Variants in BMP7 observed in about 807,000 individuals in gnomAD.
BMP7 encodes the protein osteogenic protein 1.
BMP7 carries 12 observed loss-of-function variants against 41.2 expected under a neutral mutation model. The ratio of observed to expected loss-of-function variants is 0.29; its 90% CI spans 0.19 to 0.47. The LOEUF is 0.47. Ranked by LOEUF, BMP7 falls within the 20% of genes least tolerant of loss-of-function variation. BMP7 has a pLI of 0.99. For synonymous variants in BMP7, 248 were observed against 250.0 expected (o/e 0.99, Z 0.07); for missense variants, 467 against 606.0 (o/e 0.77, Z 2.41).
chr20:57,212,430 G>A lies in BMP7; in HGVS notation c.612-9807C>T, dbSNP rs1984914062. ...CCGGGAGGAGTTCTAAGCAGGAGTG[G>A]AGATGACGGGCTCTGCCACTCGCAG... is the stretch of plus-strand genomic sequence containing the variant. On this transcript the variant is annotated intron_variant, in intron 2 of 6. Transcript: ENST00000395863. Among the ~76,000 whole-genome samples, 3 of 152,152 alleles carry A rather than the reference G, an allele frequency of 2.0e-5. No homozygotes were observed. In the South Asian group the frequency reaches 6.2e-4, roughly 31 times the overall value.
intron 1 of BMP7, among the ~76,000 whole-genome samples, chr20:57,258,339 G>T (rs1237957842): frequency 1.3e-5 from 2 of 152,134 alleles, no homozygotes; most frequent in African/African-American, 2.4e-5. Context: ...GGGCTTTGTT[G>T]TTGCAGCCTA....
intron 3 of BMP7, among the ~76,000 whole-genome samples, chr20:57,190,563 G>T (rs1359645767): frequency 6.6e-6 from 1 of 152,014 alleles, no homozygotes; most frequent in East Asian, 1.9e-4. Flanking sequence ...CCCAGTGGGG[G>T]ATTTGGGCAG....
At chr20:57,180,141 T>C (rs1027469570) in intron 4 of BMP7, among the ~76,000 whole-genome samples, 3 of 152,056 alleles carry the variant, frequency 2.0e-5, no homozygotes, top group Non-Finnish European at 2.9e-5. Flanking sequence ...CCCACCCTGT[T>C]CCTCACCTTT....
In BMP7 at chr20:57,171,251, T is replaced by G; in HGVS notation, c.1147-143A>C. On this transcript the variant is annotated intron_variant, in intron 6 of 6. Transcript: ENST00000395863. This position sits in a 1 kb window ranked among gnomAD's most constrained non-coding sequence, Gnocchi z 4.5. ...TCCCCAAGCCAAGCACTCCCTGTTC[T>G]AAGCACTTTACATGGACAACTCAGT... 1 of 1,204,986 alleles carries G rather than the reference T, an allele frequency of 8.3e-7. No homozygotes were observed. Among genetic ancestry groups the G allele is most frequent in the Non-Finnish European group, 1.2e-6 (1 of 835,226 alleles). 74.6% of individuals were successfully genotyped at this position (1,204,986 alleles called of 1,614,324 possible). A position where few individuals can be genotyped will look rare whatever the true frequency, so the allele number is the denominator to read the frequency against.
intron 3 of BMP7, among the ~76,000 whole-genome samples, chr20:57,193,889 G>A (rs981978161): frequency 5.9e-5 from 9 of 152,216 alleles, no homozygotes; most frequent in Admixed American, 2.0e-4. Flanking sequence ...TGTCTGACCA[G>A]ACCTTTGCTC....
rs1250894541 is a variant in BMP7 at position 57,168,977 on chromosome 20, GAAAT to G, written c.*1978_*1981del. ...GGGGTGTTCAAAAGAGCTTTGGATGGAAATAAATAATCTCTTTGCTTTGTAACAA... is the reference window on the plus strand; with the variant it reads ...GGGGTGTTCAAAAGAGCTTTGGATGGAAATAATCTCTTTGCTTTGTAACAA... On this transcript the variant is annotated 3_prime_UTR_variant, in exon 7 of 7. Transcript: ENST00000395863. 1 of 152,006 alleles carries G rather than the reference GAAAT, an allele frequency of 6.6e-6. No individual in the cohort carries two copies. The highest frequency in any genetic ancestry group is 2.4e-5 in the African/African-American group (1 of 41,362). The allele number at this position is 152,006 out of a possible 1,614,324, so 9.4% of individuals were successfully genotyped here.
intron 3 of BMP7, among the ~76,000 whole-genome samples, chr20:57,198,101 C>T (rs1374166783): frequency 6.8e-6 from 1 of 146,016 alleles, no homozygotes; most frequent in Non-Finnish European, 1.5e-5. Context: ...TCCCCCTTCT[C>T]TCCTCTTGCT....
chr20:57,189,270 A>G (rs976397788), intron 3 of BMP7, among the ~76,000 whole-genome samples: 2 of 152,236 alleles, frequency 1.3e-5, no homozygotes, highest in Non-Finnish European at 2.9e-5. Context: ...AGAGGAAATC[A>G]CAGAGAAGAA....
Position 57,174,074 on chromosome 20 carries a change from C to T in BMP7, c.1036-764G>A, listed in dbSNP as rs1008815376. ...TGGATGTGGTCATCAGTCCTGAGGG[C>T]AGGCTCACAGGAGGGCTCAGAGCTG... On this transcript the variant is annotated intron_variant, in intron 5 of 6. Coordinates refer to ENST00000395863, the MANE Select transcript of BMP7 (RefSeq NM_001719.3). This position sits in a 1 kb window ranked among gnomAD's most constrained non-coding sequence, Gnocchi z 4.3. Among the ~76,000 whole-genome samples, 5 of 152,174 alleles carry T rather than the reference C, an allele frequency of 3.3e-5. No individual in the cohort carries two copies. Among genetic ancestry groups the T allele is most frequent in the African/African-American group, 1.2e-4 (5 of 41,424 alleles).
chr20:57,216,538 T>TCTCCTGAGGGCGAGGGGCTGC (rs1568718145), intron 2 of BMP7, among the ~76,000 whole-genome samples: 32 of 148,390 alleles, frequency 2.2e-4, no homozygotes, highest in Non-Finnish European at 3.7e-4. Flanking sequence ...GAGGGGGCTG[T>TCTCCTGAGGGCGAGGGGCTGC]CTCCTGAGGG....
chr20:57,213,736 G>A lies in BMP7; in HGVS notation c.612-11113C>T, dbSNP rs987360401. ...GAGTGGTCCTCGGGTCCCACAGTGG[G>A]TGCTCAGGGATGTAGGCTGTAGGGC... is the stretch of plus-strand genomic sequence containing the variant. On this transcript the variant is annotated intron_variant, in intron 2 of 6. Transcript: ENST00000395863. This position sits in a 1 kb window ranked among gnomAD's most constrained non-coding sequence, Gnocchi z 4.4. 4.6e-5 allele frequency among the ~76,000 whole-genome samples: 7 copies of A among 152,214 alleles called. No individual in the cohort carries two copies. The highest frequency in any genetic ancestry group is 2.0e-4 in the Admixed American group (3 of 15,286).
intron 4 of BMP7, 64 bp downstream of exon 4, chr20:57,183,658 G>A (rs879664151): frequency 2.2e-5 from 36 of 1,602,984 alleles, no homozygotes; most frequent in East Asian, 1.1e-4. Context: ...GTCTCCTGCC[G>A]GGTCCCGCCG....
In BMP7 at chr20:57,195,331, T is replaced by C. The variant is rs1206967185; in HGVS notation, c.760+7144A>G. Among the ~76,000 whole-genome samples the C allele has an allele frequency of 5.3e-5, 8 of 152,178 alleles. No homozygotes were observed. The East Asian group carries it at 1.5e-3, about 29-fold the overall frequency. On this transcript the variant is annotated intron_variant, in intron 3 of 6. Coordinates refer to ENST00000395863, the MANE Select transcript of BMP7 (RefSeq NM_001719.3). ...CCCACAGCACAAGAATGTTTCTCAT[T>C]AATTGTGAAAAACACATTCACTCCA...
intron 2 of BMP7, among the ~76,000 whole-genome samples, chr20:57,226,141 T>G (rs1156644854): frequency 6.6e-6 from 1 of 152,178 alleles, no homozygotes; most frequent in Middle Eastern, 3.2e-3. Context: ...CCTGCAGCCC[T>G]CAGGATCCAC....
chr20:57,186,961 A>G (rs1295487793), intron 3 of BMP7: 1 of 152,238 alleles, frequency 6.6e-6, no homozygotes, highest in Non-Finnish European at 1.5e-5. Context: ...ATTAAAGCTG[A>G]GCCCCTAGGA....
chr20:57,249,574 A>G (rs188389450), intron 1 of BMP7, among the ~76,000 whole-genome samples: 8 of 152,276 alleles, frequency 5.3e-5, no homozygotes, highest in Admixed American at 5.2e-4. Flanking sequence ...TTCAAAATCT[A>G]TGATGGGAGT....
chr20:57,260,679 A>T (rs2066150476), intron 1 of BMP7, among the ~76,000 whole-genome samples: 1 of 152,224 alleles, frequency 6.6e-6, no homozygotes, highest in African/African-American at 2.4e-5. Context: ...ACACAGCTGC[A>T]GTGCTCTCCC....
rs1773817837 is a variant in BMP7 at position 57,223,270 on chromosome 20, C to T, written c.611+4959G>A. On this transcript the variant is annotated intron_variant, in intron 2 of 6. Transcript: ENST00000395863. ...AGGAATCTCTTTCCTTCCTCTTGGG[C>T]ATGTAAGACAGCTCATGGGTGAGAA... Among the ~76,000 whole-genome samples, 2 of 151,856 alleles carry T rather than the reference C, an allele frequency of 1.3e-5. 1 individual carries two copies. Among genetic ancestry groups the T allele is most frequent in the South Asian group, 4.2e-4 (2 of 4,800 alleles).
At chr20:57,180,527 T>G (rs1407120182) in intron 4 of BMP7, among the ~76,000 whole-genome samples, 1 of 152,174 alleles carries the variant, frequency 6.6e-6, no homozygotes, top group Non-Finnish European at 1.5e-5. Context: ...ACTCTGGGTC[T>G]GTTACTATGT....
Sources: allele counts gnomAD v4.1 joint callset (sites outside exome capture counted in the v4.1 genomes callset), GRCh38; gene constraint gnomAD v4.1.1; non-coding constraint Gnocchi (gnomAD v3.1); transcripts MANE v1.5; gene names NCBI Gene and HGNC (gene_info 2026-07-23, HGNC 2026-07-21).